Variants in TAFA1 observed in about 807,000 individuals in gnomAD.
The protein encoded by TAFA1 is chemokine-like protein TAFA-1.
Under a neutral mutation model 18.5 loss-of-function variants are expected in TAFA1, and 4 were observed. The ratio of observed to expected loss-of-function variants is 0.22; its 90% CI spans 0.11 to 0.49. The LOEUF is 0.49. Among genes scored for constraint, TAFA1 ranks in the 20% least tolerant of loss-of-function variants. TAFA1 has a pLI of 0.98. For missense variants in TAFA1, 147 were observed against 169.0 expected (o/e 0.87, Z 0.72); for synonymous variants, 56 against 55.2 (o/e 1.01, Z -0.06).
intron 3 of TAFA1, among the ~76,000 whole-genome samples, chr3:68,441,458 C>G (rs959990044): frequency 1.3e-5 from 2 of 152,130 alleles, no homozygotes; most frequent in Non-Finnish European, 2.9e-5. Flanking sequence ...TAGCTCTTGG[C>G]CTGTTACTGG....
At chr3:68,284,424 AC>A (rs2067958779) in intron 2 of TAFA1, among the ~76,000 whole-genome samples, 1 of 152,190 alleles carries the variant, frequency 6.6e-6, no homozygotes, top group African/African-American at 2.4e-5. Context: ...GTTAAAAAAA[AC>A]TTTTTGGCAA....
chr3:68,429,682 C>T (rs973694729), intron 3 of TAFA1, among the ~76,000 whole-genome samples: 3 of 151,862 alleles, frequency 2.0e-5, no homozygotes, highest in Admixed American at 6.6e-5. Flanking sequence ...TCCCGAATTT[C>T]AAGACTGCCA....
At chr3:68,131,664 G>T (rs2065539142) in intron 2 of TAFA1, among the ~76,000 whole-genome samples, 1 of 152,194 alleles carries the variant, frequency 6.6e-6, no homozygotes, top group South Asian at 2.1e-4. Context: ...CCCTGCTGCA[G>T]AGGGGCTGGG....
At chr3:68,489,574 G>A (rs1343136657) in intron 3 of TAFA1, among the ~76,000 whole-genome samples, 2 of 152,204 alleles carry the variant, frequency 1.3e-5, no homozygotes, top group East Asian at 3.9e-4. Flanking sequence ...GACTCATTTA[G>A]GGTCGTGTTC....
At chr3:68,405,243 A>C (rs565275120) in intron 2 of TAFA1, among the ~76,000 whole-genome samples, 86 of 152,282 alleles carry the variant, frequency 5.6e-4, no homozygotes, top group African/African-American at 1.4e-3. Flanking sequence ...AGAGAATAAA[A>C]AGAAGTTAAT....
intron 2 of TAFA1, among the ~76,000 whole-genome samples, chr3:68,396,725 T>C (rs923906732): frequency 2.6e-5 from 4 of 152,218 alleles, no homozygotes; most frequent in African/African-American, 9.6e-5. Context: ...ATATGCCTAG[T>C]AGAAGGATAA....
intron 2 of TAFA1, among the ~76,000 whole-genome samples, chr3:68,054,986 T>C (rs1305013265): frequency 6.6e-6 from 1 of 152,156 alleles, no homozygotes; most frequent in African/African-American, 2.4e-5. Context: ...TAATGAGATA[T>C]GTACCTCTAT....
intron 2 of TAFA1, among the ~76,000 whole-genome samples, chr3:68,063,007 C>A (rs1408782673): frequency 6.6e-6 from 1 of 151,984 alleles, no homozygotes; most frequent in Non-Finnish European, 1.5e-5. Flanking sequence ...AGACAGGTAA[C>A]CTAAAAAGAA....
chr3:68,233,600 A>C (rs1214096354), intron 2 of TAFA1, among the ~76,000 whole-genome samples: 1 of 152,032 alleles, frequency 6.6e-6, no homozygotes, highest in Non-Finnish European at 1.5e-5. Flanking sequence ...TTGGCTATTC[A>C]GGGTATTTCA....
chr3:68,284,957 A>G (rs565064062), intron 2 of TAFA1, among the ~76,000 whole-genome samples: 1 of 152,202 alleles, frequency 6.6e-6, no homozygotes, highest in East Asian at 1.9e-4. Flanking sequence ...AAATAATGGC[A>G]CATGCATGTA....
At chr3:68,258,931 T>G (rs1385461027) in intron 2 of TAFA1, among the ~76,000 whole-genome samples, 3 of 152,184 alleles carry the variant, frequency 2.0e-5, no homozygotes, top group African/African-American at 4.8e-5. Flanking sequence ...AAATATCAGG[T>G]TCTGCTGGAT....
chr3:68,389,820 G>A (rs776177223), intron 2 of TAFA1, among the ~76,000 whole-genome samples: 1 of 152,126 alleles, frequency 6.6e-6, no homozygotes, highest in African/African-American at 2.4e-5. Context: ...GCGGGATGGT[G>A]CTATCCGGCC....
intron 2 of TAFA1, among the ~76,000 whole-genome samples, chr3:68,370,611 A>C (rs376427792): frequency 2.1e-5 from 3 of 145,738 alleles, no homozygotes; most frequent in South Asian, 4.3e-4. Flanking sequence ...TATTTAAGAA[A>C]TGTTACAAGT....
At chr3:68,295,992 G>A (rs2068200687) in intron 2 of TAFA1, among the ~76,000 whole-genome samples, 2 of 151,594 alleles carry the variant, frequency 1.3e-5, no homozygotes, top group East Asian at 1.9e-4. Flanking sequence ...ACAAAATCAT[G>A]TTATATAAGA....
chr3:68,401,638 T>C (rs2070494931), intron 2 of TAFA1, among the ~76,000 whole-genome samples: 1 of 152,224 alleles, frequency 6.6e-6, no homozygotes, highest in Admixed American at 6.5e-5. Context: ...GAAAACAATC[T>C]ACTACTTCCC....
At chr3:68,339,070 A>G (rs2069028789) in intron 2 of TAFA1, among the ~76,000 whole-genome samples, 1 of 152,234 alleles carries the variant, frequency 6.6e-6, no homozygotes, top group African/African-American at 2.4e-5. Context: ...ACATTAAATT[A>G]GCTAAAGCAA....
chr3:68,414,507 A>C (rs1044912579), intron 2 of TAFA1, among the ~76,000 whole-genome samples: 1 of 152,160 alleles, frequency 6.6e-6, no homozygotes, highest in East Asian at 1.9e-4. Flanking sequence ...GGTCACACTT[A>C]TGTGATTCTG....
intron 2 of TAFA1, among the ~76,000 whole-genome samples, chr3:68,358,795 C>T (rs2069414941): frequency 6.6e-6 from 1 of 151,918 alleles, no homozygotes; most frequent in Non-Finnish European, 1.5e-5. Context: ...CTTAGGTAAA[C>T]ATGTAGCATA....
At chr3:68,271,367 T>C (rs2067663598) in intron 2 of TAFA1, among the ~76,000 whole-genome samples, 1 of 152,042 alleles carries the variant, frequency 6.6e-6, no homozygotes, top group African/African-American at 2.4e-5. Flanking sequence ...TAACCAATCA[T>C]ATTGTCCAGG....
Sources: gnomAD v4.1 joint callset for allele counts (sites outside exome capture counted in the v4.1 genomes callset) on GRCh38, gnomAD v4.1.1 for gene constraint, MANE v1.5 for transcripts, NCBI Gene and HGNC (gene_info 2026-07-23, HGNC 2026-07-21) for gene names.